The following PDGFRB variants were observed in gnomAD, a reference collection of about 807,000 sequenced individuals.
The protein encoded by PDGFRB is platelet derived growth factor receptor beta.
In PDGFRB, 42 loss-of-function variants were observed where a neutral mutation model predicts 120.2. That is an observed-to-expected ratio of 0.35 (90% CI 0.27 to 0.45). The LOEUF is 0.45. Among genes scored for constraint, PDGFRB ranks in the 20% least tolerant of loss-of-function variants. The probability of loss-of-function intolerance (pLI) is 1.00; values close to 1 mark genes in which losing one functional copy is unlikely to be tolerated. For missense variants in PDGFRB, 1,149 were observed against 1,476.3 expected, an observed-to-expected ratio of 0.78 and a Z score of 3.63; for synonymous variants, 586 against 606.8, an observed-to-expected ratio of 0.97 and a Z score of 0.50.
intron 10 of PDGFRB, among the ~76,000 whole-genome samples, chr5:150,129,213 C>T (rs967437180): frequency 2.6e-5 from 4 of 152,202 alleles, no homozygotes; most frequent in Non-Finnish European, 4.4e-5. Context: ...TACACATGTA[C>T]AGGAATTGTG....
chr5:150,139,098 C>T (rs893483133), intron 1 of PDGFRB, among the ~76,000 whole-genome samples: 5 of 152,150 alleles, frequency 3.3e-5, no homozygotes, highest in African/African-American at 1.2e-4. Flanking sequence ...TCTGCTGGGC[C>T]TGGGGCTGGG....
rs965135257 is a variant in PDGFRB at position 150,115,301 on chromosome 5, G to C, written c.*462C>G. 3 of 233,386 alleles carry C rather than the reference G, an allele frequency of 1.3e-5. No individual in the cohort carries two copies. 14.5% of individuals were successfully genotyped at this position (233,386 alleles called of 1,614,324 possible). On this transcript the variant is annotated 3_prime_UTR_variant, in exon 23 of 23. Coordinates refer to ENST00000261799, the MANE Select transcript of PDGFRB (RefSeq NM_002609.4). Reference sequence around the variant, plus strand: ...CAGGGAGGCTAGGGTCTCTTCCCTAGCTCCTGGGTGGATAAAAGTGCGAGG... The same window carrying C: ...CAGGGAGGCTAGGGTCTCTTCCCTACCTCCTGGGTGGATAAAAGTGCGAGG...
At chr5:150,123,990 A>G (rs1461146073) in intron 14 of PDGFRB, among the ~76,000 whole-genome samples, 1 of 152,262 alleles carries the variant, frequency 6.6e-6, no homozygotes, top group East Asian at 1.9e-4. Context: ...GGAAAATAAA[A>G]AAGTGTCAGC....
intron 1 of PDGFRB, among the ~76,000 whole-genome samples, chr5:150,142,908 T>A (rs1356315852): frequency 6.6e-6 from 1 of 152,126 alleles, no homozygotes; most frequent in Non-Finnish European, 1.5e-5. Context: ...AATGACACGG[T>A]GCCTACGTGA....
intron 13 of PDGFRB, 121 bp from the exon 14 acceptor site, chr5:150,124,481 G>C (rs576447320): frequency 1.2e-5 from 9 of 729,498 alleles, no homozygotes; most frequent in Non-Finnish European, 2.1e-5. Flanking sequence ...GCAGCCTGGC[G>C]GGGGTGAGCA....
At chr5:150,125,118 C>G (rs560718836) in intron 12 of PDGFRB, among the ~76,000 whole-genome samples, 53 of 152,262 alleles carry the variant, frequency 3.5e-4, no homozygotes, top group African/African-American at 1.3e-3. Context: ...AAAGTTTCTT[C>G]CCTCCCAAGG....
chr5:150,124,744 G>T lies in PDGFRB; in HGVS notation c.1895C>A (p.Ala632Asp). ...LSHSQATMKV[A>D]VKMLKSTARS... is the part of the protein sequence containing the mutation. ...CTACTCACATTTAAGCATCTTGACG[G>T]CCACTTTCATCGTGGCCTGAGAATG... The change falls in exon 13 of 23, where the codon GCC becomes GAC. Residue 632 changes from alanine (A) to aspartate (D), a missense_variant. Coordinates refer to ENST00000261799, the MANE Select transcript of PDGFRB (RefSeq NM_002609.4). 1 of 1,571,060 alleles carries T rather than the reference G, an allele frequency of 6.4e-7. No homozygotes were observed. The highest frequency in any genetic ancestry group is 8.7e-7 in the Non-Finnish European group (1 of 1,143,010).
In PDGFRB at chr5:150,126,478, T is replaced by C. The variant is rs553187719; in HGVS notation, c.1674+42A>G. On this transcript the variant is annotated intron_variant, in intron 11 of 22. Coordinates refer to ENST00000261799, the MANE Select transcript of PDGFRB (RefSeq NM_002609.4). The stretch of plus-strand genomic sequence containing the variant: ...GAGGGGTGGAATTTATGCAAAATAA[T>C]GATGTGCCAGTCTTCACCCACTGGG... The C allele has an allele frequency of 3.5e-5, 36 of 1,021,522 alleles. No homozygotes were observed. In the South Asian group the frequency reaches 4.0e-4, roughly 11 times the overall value. 63.3% of individuals were successfully genotyped at this position (1,021,522 alleles called of 1,614,324 possible).
At position 150,120,903 on chromosome 5, in the gene PDGFRB, G is replaced by A. The variant is rs1056352310; in HGVS notation, c.2571C>T (p.Tyr857=). ...AGGTACTCACGCTGCCTTTGGAGAT[G>A]TAATTCGAGTCCCGCATGATGTCTC... ...LARDIMRDSN[Y]ISKGSTFLPL... The change falls in exon 18 of 23, where the codon TAC becomes TAT. Residue 857 remains tyrosine, a synonymous_variant. Coordinates refer to ENST00000261799, the MANE Select transcript of PDGFRB (RefSeq NM_002609.4). This position sits in a 1 kb window ranked among gnomAD's most constrained non-coding sequence, Gnocchi z 4.3. 32 of 1,613,980 alleles carry A rather than the reference G, an allele frequency of 2.0e-5. No homozygotes were observed. Among genetic ancestry groups the A allele is most frequent in the Non-Finnish European group, 2.6e-5 (31 of 1,179,948 alleles).
At position 150,148,221 on chromosome 5, in the gene PDGFRB, G is replaced by T. The variant is rs192227725; in HGVS notation, c.-7+7176C>A. On this transcript the variant is annotated intron_variant, in intron 1 of 22. Coordinates refer to ENST00000261799, the MANE Select transcript of PDGFRB (RefSeq NM_002609.4). ...ACTTCTTTCCTGAACTTTTGTCTTA[G>T]TCCTTTAATATGACTTCCCACAAAT... Among the ~76,000 whole-genome samples, 104 of 152,276 alleles carry T rather than the reference G, an allele frequency of 6.8e-4. 2 individuals are homozygous for T. The highest frequency in any genetic ancestry group is 9.6e-4 in the East Asian group (5 of 5,188).
At chr5:150,140,571 A>G (rs1193452396) in intron 1 of PDGFRB, among the ~76,000 whole-genome samples, 1 of 152,132 alleles carries the variant, frequency 6.6e-6, no homozygotes. Context: ...ACTCAGAGGG[A>G]CCCCTTAGGG....
chr5:150,131,909 G>A, intron 8 of PDGFRB, 70 bp downstream of exon 8: 1 of 829,420 alleles, frequency 1.2e-6, no homozygotes. Context: ...GGTGGACAGT[G>A]CAGGAAGGGA....
intron 10 of PDGFRB, among the ~76,000 whole-genome samples, chr5:150,128,934 A>G (rs1760371680): frequency 6.6e-6 from 1 of 152,198 alleles, no homozygotes; most frequent in Non-Finnish European, 1.5e-5. Flanking sequence ...AAAGGTGAAT[A>G]AATGAAGCAC....
At position 150,132,834 on chromosome 5, in the gene PDGFRB, A is replaced by T. The variant is rs1020494503; in HGVS notation, c.1043T>A (p.Val348Asp). 2 of 1,611,400 alleles carry T rather than the reference A, an allele frequency of 1.2e-6. No individual in the cohort carries two copies. The highest frequency in any genetic ancestry group is 1.7e-6 in the Non-Finnish European group (2 of 1,179,104). ...VVFEAYPPPTVLWFKDNRTLG... is the reference protein window; with the variant it reads ...VVFEAYPPPTDLWFKDNRTLG... ...GGTGCGGTTGTCTTTGAACCACAGGACAGTGGGCGGTGGGTAGGCCTCGAA... is the reference window on the plus strand; with the variant it reads ...GGTGCGGTTGTCTTTGAACCACAGGTCAGTGGGCGGTGGGTAGGCCTCGAA... Residue 348 changes from valine to aspartate, a missense_variant, in exon 7 of 23, where the codon GTC becomes GAC. Physicochemically the swap from Val to Asp is radical, Grantham distance 152. Transcript: ENST00000261799. The surrounding 1 kb of genome is among the most constrained non-coding windows in gnomAD (Gnocchi z 5.0).
rs1420457092 is a variant in PDGFRB at position 150,124,816 on chromosome 5, G to T, written c.1823C>A (p.Ser608Tyr). 1.2e-6 allele frequency: 2 copies of T among 1,600,550 alleles called. No homozygotes were observed. The highest frequency in any genetic ancestry group is 1.7e-5 in the Admixed American group (1 of 59,948). ...DQLVLGRTLG[S>Y]GAFGQVVEAT... ...CTCCACCACCTGCCCAAAGGCCCCAGAGCCGAGGGTGCGTCCTGGTGCAGA... is the reference window on the plus strand; with the variant it reads ...CTCCACCACCTGCCCAAAGGCCCCATAGCCGAGGGTGCGTCCTGGTGCAGA... The change falls in exon 13 of 23, where the codon TCT becomes TAT. Residue 608 changes from serine (S) to tyrosine (Y), a missense_variant. Around this residue, in one of 3 missense-constraint regions of PDGFRB, gnomAD observed 879 missense variants for 1,108.6 expected, o/e 0.79. Transcript: ENST00000261799.
At position 150,115,915 on chromosome 5, in the gene PDGFRB, T is replaced by C; in HGVS notation, c.3169A>G (p.Thr1057Ala). 6.3e-7 allele frequency: 1 copy of C among 1,592,880 alleles called. No individual in the cohort carries two copies. Among genetic ancestry groups the C allele is most frequent in the Non-Finnish European group, 8.6e-7 (1 of 1,168,312 alleles). ...TCCAGGGGGCTGTCACAGGAGATGG[T>C]TGAGGAGGTGTTGACTTCATTCAGG... ...STLNEVNTSS[T>A]ISCDSPLEPQ... is the part of the protein sequence containing the mutation. Residue 1057 changes from threonine (T) to alanine (A), a missense_variant, in exon 23 of 23, where the codon ACC becomes GCC. Physicochemically the swap from Thr to Ala is moderately conservative, Grantham distance 58 (BLOSUM62 0). Transcript: ENST00000261799.
chr5:150,143,779 G>A (rs1046428728), intron 1 of PDGFRB, among the ~76,000 whole-genome samples: 2 of 151,990 alleles, frequency 1.3e-5, no homozygotes, highest in African/African-American at 4.8e-5. Flanking sequence ...AAGTGGCCGA[G>A]GCTCCCACCC....
intron 1 of PDGFRB, chr5:150,153,271 C>G (rs1182659964): frequency 6.6e-6 from 1 of 152,330 alleles, no homozygotes; most frequent in Non-Finnish European, 1.5e-5. Context: ...AGGGTGCTGA[C>G]CAGATGGTCT....
At chr5:150,124,969 A>G (rs1377472082) in intron 12 of PDGFRB, 138 bp from the exon 13 acceptor site, 3 of 571,620 alleles carry the variant, frequency 5.2e-6, no homozygotes, top group Non-Finnish European at 9.2e-6. Context: ...CCACTCTCTT[A>G]GGTCAACCTA....
Sources: gnomAD v4.1 joint callset for allele counts (sites outside exome capture counted in the v4.1 genomes callset) on GRCh38, gnomAD v4.1.1 for gene constraint, gnomAD v4.1.1 regional missense constraint, Gnocchi (gnomAD v3.1) non-coding constraint, MANE v1.5 for transcripts, NCBI Gene and HGNC (gene_info 2026-07-23, HGNC 2026-07-21) for gene names.